Variants in DLGAP1 observed in about 807,000 individuals in gnomAD.
DLGAP1 encodes the protein DLG associated protein 1.
DLGAP1 carries 11 observed loss-of-function variants against 90.8 expected under a neutral mutation model. That is an observed-to-expected ratio of 0.12 (90% CI 0.08 to 0.20). DLGAP1 has a LOEUF of 0.20. DLGAP1 is among the 10% of genes least tolerant of loss of function. The pLI, the probability that DLGAP1 is intolerant of heterozygous loss-of-function variation, is 1.00. For missense variants in DLGAP1, 1,050 were observed against 1,333.8 expected (o/e 0.79, Z 3.31); for synonymous variants, 558 against 540.7 (o/e 1.03, Z -0.44).
chr18:4,197,771 C>A (rs1466634061), intron 1 of DLGAP1, among the ~76,000 whole-genome samples: 1 of 152,056 alleles, frequency 6.6e-6, no homozygotes, highest in African/African-American at 2.4e-5. Flanking sequence ...CATTTATCTG[C>A]AGGTGTCAGC....
chr18:4,067,588 A>AT lies in DLGAP1; in HGVS notation c.-158-62388dup, dbSNP rs35755409. ...GGAGAGAATTAACTGAGAGTTTGGC[A>AT]TTTTTTTTTTTTAAGTCTGATAAGA... On this transcript the variant is annotated intron_variant, in intron 2 of 12. Transcript: ENST00000315677. 9.6e-3 allele frequency among the ~76,000 whole-genome samples: 1,416 copies of AT among 147,648 alleles called. 18 individuals are homozygous for AT. Among genetic ancestry groups the AT allele is most frequent in the Non-Finnish European group, 0.01 (695 of 66,590 alleles).
At chr18:3,673,248 C>G (rs1375757270) in intron 7 of DLGAP1, among the ~76,000 whole-genome samples, 1 of 152,116 alleles carries the variant, frequency 6.6e-6, no homozygotes, top group Non-Finnish European at 1.5e-5. Context: ...GTGATGCCTC[C>G]CTGGTCCTCC....
intron 5 of DLGAP1, among the ~76,000 whole-genome samples, chr18:3,792,361 A>G (rs975650110): frequency 6.6e-6 from 1 of 151,898 alleles, no homozygotes; most frequent in African/African-American, 2.4e-5. Flanking sequence ...CATGGCCTGT[A>G]ATCCCACCTA....
intron 3 of DLGAP1, among the ~76,000 whole-genome samples, chr18:3,940,429 A>G (rs1271966773): frequency 6.6e-6 from 1 of 152,232 alleles, no homozygotes; most frequent in Non-Finnish European, 1.5e-5. Flanking sequence ...TTGTTATGCA[A>G]TAATAGATTA....
At chr18:3,666,393 A>G (rs2059884322) in intron 7 of DLGAP1, among the ~76,000 whole-genome samples, 1 of 152,174 alleles carries the variant, frequency 6.6e-6, no homozygotes, top group Non-Finnish European at 1.5e-5. Context: ...GGATCCTGCC[A>G]ATGTTCTTAG....
chr18:3,624,558 A>G (rs1483813759), intron 7 of DLGAP1, among the ~76,000 whole-genome samples: 1 of 152,178 alleles, frequency 6.6e-6, no homozygotes, highest in East Asian at 1.9e-4. Context: ...GAACTGTAGG[A>G]GTAGTTTTGT....
At chr18:4,070,488 T>C (rs891457222) in intron 2 of DLGAP1, among the ~76,000 whole-genome samples, 1 of 149,678 alleles carries the variant, frequency 6.7e-6, no homozygotes, top group Non-Finnish European at 1.5e-5. Context: ...AAAAAGAAGT[T>C]ATATAAAAGT....
At chr18:4,381,994 G>A (rs943311960) in intron 1 of DLGAP1, among the ~76,000 whole-genome samples, 1 of 152,106 alleles carries the variant, frequency 6.6e-6, no homozygotes, top group African/African-American at 2.4e-5. Flanking sequence ...ATAAAACCGT[G>A]AGATCTCATG....
intron 1 of DLGAP1, among the ~76,000 whole-genome samples, chr18:4,421,913 C>T (rs1363168215): frequency 6.6e-6 from 1 of 152,016 alleles, no homozygotes; most frequent in East Asian, 1.9e-4. Context: ...AGGATTTCAC[C>T]ACGTTGGCCA....
At chr18:3,862,486 C>T (rs577015595) in intron 4 of DLGAP1, among the ~76,000 whole-genome samples, 3 of 152,252 alleles carry the variant, frequency 2.0e-5, no homozygotes, top group South Asian at 2.1e-4. Context: ...GGAGATATCA[C>T]GTAAGGTGCT....
intron 1 of DLGAP1, among the ~76,000 whole-genome samples, chr18:4,217,933 A>G (rs998447885): frequency 2.6e-5 from 4 of 151,982 alleles, no homozygotes; most frequent in African/African-American, 9.7e-5. Flanking sequence ...CAAGTTATCA[A>G]TTTTTTTCTT....
At chr18:3,657,603 C>CTT (rs1156440850) in intron 7 of DLGAP1, among the ~76,000 whole-genome samples, 9 of 134,348 alleles carry the variant, frequency 6.7e-5, no homozygotes, top group East Asian at 2.1e-4. Flanking sequence ...CCATGGAATT[C>CTT]TTTTTTTTTT....
chr18:3,538,882 A>G (rs1403740858), intron 9 of DLGAP1, among the ~76,000 whole-genome samples: 3 of 152,218 alleles, frequency 2.0e-5, no homozygotes, highest in Admixed American at 2.0e-4. Context: ...CCTAACAGCC[A>G]TCTCCTGGCT....
intron 1 of DLGAP1, among the ~76,000 whole-genome samples, chr18:4,355,101 A>G (rs567138531): frequency 1.3e-5 from 2 of 152,238 alleles, no homozygotes; most frequent in East Asian, 1.9e-4. Context: ...CTCTTGACAT[A>G]TAACTCAGCA....
chr18:4,409,844 G>A (rs552529192), intron 1 of DLGAP1, among the ~76,000 whole-genome samples: 167 of 152,140 alleles, frequency 1.1e-3, no homozygotes, highest in African/African-American at 3.9e-3. Flanking sequence ...TTTGAAAAAA[G>A]ATACTTGCAC....
chr18:4,154,752 C>T lies in DLGAP1; in HGVS notation c.-266-3465G>A, dbSNP rs2076728083. ...TAATGTCCTTATTTGTAAAATACCT[C>T]CTGGCTAACTTTAGCCAGGTTAGTA... On this transcript the variant is annotated intron_variant, in intron 1 of 12. Coordinates refer to ENST00000315677, the MANE Select transcript of DLGAP1 (RefSeq NM_004746.4). 3.3e-5 allele frequency among the ~76,000 whole-genome samples: 5 copies of T among 152,132 alleles called. No homozygotes were observed. The South Asian group carries it at 8.3e-4, about 25-fold the overall frequency.
rs373806191 is a variant in DLGAP1 at position 3,547,642 on chromosome 18, G to C, written c.2058-13027C>G. On this transcript the variant is annotated intron_variant, in intron 9 of 12. Transcript: ENST00000315677. Reference sequence around the variant, plus strand: ...AAGTAAGTGTTGGCCAGTTTGTGGAGAAACTGGAACCCTCATACATTGTTG... The same window carrying C: ...AAGTAAGTGTTGGCCAGTTTGTGGACAAACTGGAACCCTCATACATTGTTG... Among the ~76,000 whole-genome samples, 8 of 152,256 alleles carry C rather than the reference G, an allele frequency of 5.3e-5. 2 individuals carry two copies. Among genetic ancestry groups the C allele is most frequent in the East Asian group, 1.9e-4 (1 of 5,180 alleles).
intron 3 of DLGAP1, among the ~76,000 whole-genome samples, chr18:3,968,311 C>T (rs868798446): frequency 6.6e-6 from 1 of 152,174 alleles, no homozygotes; most frequent in Admixed American, 6.5e-5. Context: ...AATTTCACAT[C>T]ATTTTTACGC....
At chr18:3,928,563 T>G (rs1194365454) in intron 3 of DLGAP1, among the ~76,000 whole-genome samples, 1 of 152,320 alleles carries the variant, frequency 6.6e-6, no homozygotes, top group East Asian at 1.9e-4. Flanking sequence ...GTGCCAGGCA[T>G]GGTTCCAAGT....
Sources: gnomAD v4.1 joint callset for allele counts (sites outside exome capture counted in the v4.1 genomes callset) on GRCh38, gnomAD v4.1.1 for gene constraint, MANE v1.5 for transcripts, NCBI Gene and HGNC (gene_info 2026-07-23, HGNC 2026-07-21) for gene names.